Variants in TSKU observed in about 807,000 individuals in gnomAD.
The protein encoded by TSKU is tsukushi, small leucine rich proteoglycan.
Under a neutral mutation model 11.2 loss-of-function variants are expected in TSKU, and 4 were observed. That is an observed-to-expected ratio of 0.36 (90% CI 0.18 to 0.82). The LOEUF (loss-of-function observed/expected upper bound fraction) is 0.82, where lower values mean the gene tolerates loss of function less well. Ranked by LOEUF, TSKU falls within the 40% of genes least tolerant of loss-of-function variation. TSKU has a pLI of 0.50. For synonymous variants in TSKU, 220 were observed against 232.2 expected (o/e 0.95, Z 0.48); for missense variants, 407 against 482.5 (o/e 0.84, Z 1.47).
At position 76,795,540 on chromosome 11, in the gene TSKU, G is replaced by A. The variant is rs1944427330; in HGVS notation, c.-8-69G>A. 1.2e-5 allele frequency: 19 copies of A among 1,539,240 alleles called. No homozygotes were observed. In the East Asian group the frequency reaches 4.3e-4, roughly 35 times the overall value. ...CACCTTCCAACAGTGTCTAGACTGG[G>A]CTCATGTCCTGTGTGGTGGCTTTAG... On this transcript the variant is annotated intron_variant, in intron 1 of 1. Transcript: ENST00000333090.
intron 1 of TSKU, among the ~76,000 whole-genome samples, chr11:76,790,176 G>A (rs1352150386): frequency 6.6e-6 from 1 of 152,166 alleles, no homozygotes; most frequent in Non-Finnish European, 1.5e-5. Context: ...TGAAGCTGGA[G>A]AAACTGAGGC....
intron 1 of TSKU, among the ~76,000 whole-genome samples, chr11:76,790,258 G>C (rs1010046944): frequency 6.6e-6 from 1 of 152,090 alleles, no homozygotes; most frequent in African/African-American, 2.4e-5. Flanking sequence ...CTGAGACCTA[G>C]GGCTCCTGAC....
chr11:76,788,524 C>T (rs975472764), intron 1 of TSKU, among the ~76,000 whole-genome samples: 1 of 152,160 alleles, frequency 6.6e-6, no homozygotes, highest in African/African-American at 2.4e-5. Context: ...TGAAGGATCA[C>T]ATGGTGACTG....
chr11:76,796,814 G>A lies in TSKU; in HGVS notation c.*136G>A. 1 of 632,156 alleles carries A rather than the reference G, an allele frequency of 1.6e-6. No individual in the cohort carries two copies. The highest frequency in any genetic ancestry group is 2.4e-6 in the Non-Finnish European group (1 of 412,682). The allele number at this position is 632,156 out of a possible 1,614,324, so 39.2% of individuals were successfully genotyped here. A position where few individuals can be genotyped will look rare whatever the true frequency, so the allele number is the denominator to read the frequency against. On this transcript the variant is annotated 3_prime_UTR_variant, in exon 2 of 2. Transcript: ENST00000333090. This position sits in a 1 kb window ranked among gnomAD's most constrained non-coding sequence, Gnocchi z 4.1. ...TGGCAGCGTCACCACAGGAGTTGTG[G>A]GCCTAGGAGAGGCTTTGGACCTGGG...
chr11:76,786,014 T>A (rs1474064154), intron 1 of TSKU, among the ~76,000 whole-genome samples: 2 of 152,374 alleles, frequency 1.3e-5, no homozygotes, highest in Non-Finnish European at 2.9e-5. Flanking sequence ...TAGTGTGTAT[T>A]ACATTGTGCA....
At chr11:76,787,823 T>G (rs1034813782) in intron 1 of TSKU, among the ~76,000 whole-genome samples, 6 of 152,170 alleles carry the variant, frequency 3.9e-5, no homozygotes, top group African/African-American at 1.4e-4. Flanking sequence ...CAGAGTGGAT[T>G]TGGAGCTAAG....
At chr11:76,792,137 C>G (rs1217805104) in intron 1 of TSKU, 1 of 152,272 alleles carries the variant, frequency 6.6e-6, no homozygotes, top group Non-Finnish European at 1.5e-5. Context: ...CAGCATGACT[C>G]AGATATGCGG....
upstream of TSKU, chr11:76,782,633 T>A (rs1944247627): frequency 6.6e-6 from 1 of 151,230 alleles, no homozygotes; most frequent in Non-Finnish European, 1.5e-5. Context: ...AGACTGAAAC[T>A]GCTGCCTACT....
At chr11:76,786,721 C>A (rs746856882) in intron 1 of TSKU, among the ~76,000 whole-genome samples, 8 of 152,180 alleles carry the variant, frequency 5.3e-5, no homozygotes, top group Non-Finnish European at 1.0e-4. Context: ...CCAGGGGGAT[C>A]TGCGAATTTG....
At chr11:76,784,246 GCTT>G (rs1195773432) in intron 1 of TSKU, 1 of 152,472 alleles carries the variant, frequency 6.6e-6, no homozygotes, top group African/African-American at 2.4e-5. Context: ...CCCTCCCCGC[GCTT>G]CTTGGAAAGA....
At chr11:76,788,744 C>G (rs146047961) in intron 1 of TSKU, among the ~76,000 whole-genome samples, 1 of 152,192 alleles carries the variant, frequency 6.6e-6, no homozygotes, top group African/African-American at 2.4e-5. Context: ...CTGGGTCTTG[C>G]GGTTGACCCG....
chr11:76,794,354 C>T (rs1182764880), intron 1 of TSKU, among the ~76,000 whole-genome samples: 1 of 152,230 alleles, frequency 6.6e-6, no homozygotes, highest in Non-Finnish European at 1.5e-5. Context: ...GCAGCCACCA[C>T]TGTAATTGTA....
Position 76,796,789 on chromosome 11 carries a change from T to TC in TSKU, c.*111_*112insC. Reference sequence around the variant, plus strand: ...CCAGTGGGGAGCCCGCAGGCCTATGTGGCAGCGTCACCACAGGAGTTGTGG... The same window carrying TC: ...CCAGTGGGGAGCCCGCAGGCCTATGTCGGCAGCGTCACCACAGGAGTTGTGG... On this transcript the variant is annotated 3_prime_UTR_variant, in exon 2 of 2. Coordinates refer to ENST00000333090, the MANE Select transcript of TSKU (RefSeq NM_015516.4). This position sits in a 1 kb window ranked among gnomAD's most constrained non-coding sequence, Gnocchi z 4.1. The TC allele has an allele frequency of 4.9e-6, 4 of 814,414 alleles. No individual in the cohort carries two copies. Among genetic ancestry groups the TC allele is most frequent in the South Asian group, 4.4e-5 (1 of 22,898 alleles). 50.4% of individuals were successfully genotyped at this position (814,414 alleles called of 1,614,324 possible). A position where few individuals can be genotyped will look rare whatever the true frequency, so the allele number is the denominator to read the frequency against.
rs1320783637 is a variant in TSKU, at chr11:76,787,847, A to C, written c.-9+4443A>C. ...TTTGGAGCTAAGACATCTGGGGTTA[A>C]GTCCGGGGTCCTCTCCTTCCCAGCT... On this transcript the variant is annotated intron_variant, in intron 1 of 1. Transcript: ENST00000333090. Among the ~76,000 whole-genome samples the C allele has an allele frequency of 2.6e-5, 4 of 152,322 alleles. No individual in the cohort carries two copies. The South Asian group carries it at 6.2e-4, about 24-fold the overall frequency.
In TSKU at chr11:76,796,337, A is replaced by C; in HGVS notation, c.721A>C (p.Arg241=). The C allele has an allele frequency of 6.2e-7, 1 of 1,613,228 alleles. No individual in the cohort carries two copies. The highest frequency in any genetic ancestry group is 8.5e-7 in the Non-Finnish European group (1 of 1,179,972). ...LTHLSLASLQ[R]LPELAPSGFR... The stretch of plus-strand genomic sequence containing the variant: ...ACACCTGTCTCTGGCCAGCCTGCAG[A>C]GGCTCCCTGAGCTGGCGCCCAGTGG... Residue 241 remains arginine (R), a synonymous_variant, in exon 2 of 2, where the codon AGG becomes CGG. Transcript: ENST00000333090. This position sits in a 1 kb window ranked among gnomAD's most constrained non-coding sequence, Gnocchi z 4.1.
chr11:76,785,558 A>C (rs918971192), intron 1 of TSKU, among the ~76,000 whole-genome samples: 1 of 152,206 alleles, frequency 6.6e-6, no homozygotes, highest in African/African-American at 2.4e-5. Context: ...CCTGTGCATG[A>C]AAACAGCACA....
At chr11:76,787,000 G>A (rs907420540) in intron 1 of TSKU, among the ~76,000 whole-genome samples, 5 of 152,148 alleles carry the variant, frequency 3.3e-5, no homozygotes, top group Admixed American at 1.3e-4. Flanking sequence ...ATCACTCACT[G>A]GGGACAGGAA....
At chr11:76,791,238 A>T (rs1228422998) in intron 1 of TSKU, among the ~76,000 whole-genome samples, 2 of 152,258 alleles carry the variant, frequency 1.3e-5, no homozygotes, top group African/African-American at 4.8e-5. Context: ...TAAGGGAAGC[A>T]GAGCATAGAA....
At position 76,796,078 on chromosome 11, in the gene TSKU, C is replaced by T. The variant is rs748485520; in HGVS notation, c.462C>T (p.His154=). The T allele has an allele frequency of 5.6e-6, 9 of 1,613,958 alleles. No homozygotes were observed. In the Admixed American group the frequency reaches 1.0e-4, roughly 18 times the overall value. ...REVSVSAFTT[H]SQGRALHVDL... ...TCTCAGTGTCTGCCTTCACGACGCACAGTCAGGGCCGGGCACTACACGTGG... is the reference window on the plus strand; with the variant it reads ...TCTCAGTGTCTGCCTTCACGACGCATAGTCAGGGCCGGGCACTACACGTGG... Residue 154 remains histidine, a synonymous_variant, in exon 2 of 2, where the codon CAC becomes CAT. Transcript: ENST00000333090. This position sits in a 1 kb window ranked among gnomAD's most constrained non-coding sequence, Gnocchi z 4.1.
Sources: allele counts gnomAD v4.1 joint callset (sites outside exome capture counted in the v4.1 genomes callset), GRCh38; gene constraint gnomAD v4.1.1; non-coding constraint Gnocchi (gnomAD v3.1); transcripts MANE v1.5; gene names NCBI Gene and HGNC (gene_info 2026-07-23, HGNC 2026-07-21).